The following SPATA22 variants were observed in gnomAD, a reference collection of about 807,000 sequenced individuals.
SPATA22 encodes the protein spermatogenesis associated 22.
A neutral mutation model predicts 47.8 loss-of-function variants in SPATA22; 29 were observed. That is an observed-to-expected ratio of 0.61 (90% CI 0.45 to 0.83). The LOEUF is 0.83. Ranked by LOEUF, SPATA22 falls within the 40% of genes least tolerant of loss-of-function variation. The pLI, the probability that SPATA22 is intolerant of heterozygous loss-of-function variation, is 0.00. For synonymous variants in SPATA22, 133 were observed against 140.9 expected (o/e 0.94, Z 0.40); for missense variants, 410 against 421.7 (o/e 0.97, Z 0.24).
rs777940521 is a variant in SPATA22, at chr17:3,440,137, T to C, written c.*10A>G. 3.3e-6 allele frequency: 5 copies of C among 1,497,468 alleles called. No individual in the cohort carries two copies. The highest frequency in any genetic ancestry group is 3.6e-6 in the Non-Finnish European group (4 of 1,117,584). 92.8% of individuals were successfully genotyped at this position (1,497,468 alleles called of 1,614,324 possible). A position where few individuals can be genotyped will look rare whatever the true frequency, so the allele number is the denominator to read the frequency against. ...GCTATAATTTATGCTAAACTTCCTT[T>C]TATCACTACTTAAGTTTCATTCATC... On this transcript the variant is annotated 3_prime_UTR_variant, in exon 9 of 9. Transcript: ENST00000572969.
At chr17:3,443,420 AG>A in intron 7 of SPATA22, 149 bp from the exon 8 acceptor site, 1 of 589,638 alleles carries the variant, frequency 1.7e-6, no homozygotes, top group Non-Finnish European at 2.9e-6. Flanking sequence ...TAAGAAGAGA[AG>A]ATATTTCTCA....
At chr17:3,464,571 T>C (rs1178835519) in intron 3 of SPATA22, among the ~76,000 whole-genome samples, 4 of 138,898 alleles carry the variant, frequency 2.9e-5, no homozygotes, top group African/African-American at 7.8e-5. Flanking sequence ...ATCTAGGAAG[T>C]GAGGAGCGTC....
chr17:3,486,710 T>C (rs2073728406), intron 1 of SPATA22, among the ~76,000 whole-genome samples: 1 of 152,194 alleles, frequency 6.6e-6, no homozygotes, highest in Admixed American at 6.5e-5. Context: ...TAGCCAGGAG[T>C]AATGTAATTT....
At chr17:3,476,131 C>T (rs1297840366), upstream of SPATA22, 1 of 1,585,164 alleles carries the variant, frequency 6.3e-7, no homozygotes, top group Non-Finnish European at 8.7e-7. Context: ...TTCTGAATTG[C>T]AGAAATCAGA....
At chr17:3,470,063 A>G (rs551973162) in intron 1 of SPATA22, among the ~76,000 whole-genome samples, 1 of 126,206 alleles carries the variant, frequency 7.9e-6, no homozygotes, top group Admixed American at 1.0e-4. Context: ...ACTGCACTCC[A>G]GCCTGGGCAA....
At chr17:3,446,326 G>C in intron 7 of SPATA22, 146 bp downstream of exon 7, 1 of 621,818 alleles carries the variant, frequency 1.6e-6, no homozygotes, top group Non-Finnish European at 2.5e-6. Context: ...CTACCACAGG[G>C]ACTATTATTA....
At chr17:3,489,311 T>A (rs769947909) in intron 1 of SPATA22, 2 of 1,613,078 alleles carry the variant, frequency 1.2e-6, no homozygotes, top group Admixed American at 1.7e-5. Context: ...TGATTAAACA[T>A]GCTCTTGATT....
intron 1 of SPATA22, among the ~76,000 whole-genome samples, chr17:3,479,041 C>T (rs573963947): frequency 2.0e-5 from 3 of 152,312 alleles, no homozygotes; most frequent in Admixed American, 2.0e-4. Flanking sequence ...TTCCTGTCAT[C>T]TATTTTCCAT....
At chr17:3,455,969 A>G (rs1023372393) in intron 5 of SPATA22, among the ~76,000 whole-genome samples, 2 of 152,010 alleles carry the variant, frequency 1.3e-5, no homozygotes, top group African/African-American at 2.4e-5. Flanking sequence ...CTTTTATTTC[A>G]TTGAGCAGTG....
intron 3 of SPATA22, among the ~76,000 whole-genome samples, chr17:3,463,909 TCCTCTCCCTCTCCCTCTC>T (rs372677703): frequency 2.2e-5 from 2 of 89,842 alleles, no homozygotes; most frequent in African/African-American, 4.4e-5. Flanking sequence ...AAAACACTGA[TCCTCTCCCTCTCCCTCTC>T]CCTCTCCCTC....
chr17:3,468,056 G>T (rs1239993213), intron 2 of SPATA22: 1 of 152,196 alleles, frequency 6.6e-6, no homozygotes. Flanking sequence ...CACTCTCATA[G>T]ATTTTATTTC....
chr17:3,467,970 T>C (rs916606557), intron 2 of SPATA22, among the ~76,000 whole-genome samples: 1 of 152,148 alleles, frequency 6.6e-6, no homozygotes, highest in African/African-American at 2.4e-5. Flanking sequence ...GGCACACCCT[T>C]TTGGGCCTTG....
chr17:3,448,906 T>C lies in SPATA22; in HGVS notation c.573A>G (p.Leu191=), dbSNP rs35562016. ...GTGTCTGTAGTGCACTGTTTTTGTC[T>C]AGCCCTCTCATTGTGCAGCCAGATA... ...SKISGCTMRG[L]DKNSALQTLK... is the part of the protein sequence containing the mutation. The change falls in exon 6 of 9, where the codon CTA becomes CTG. Residue 191 remains leucine (L), a synonymous_variant. Coordinates refer to ENST00000572969, the MANE Select transcript of SPATA22 (RefSeq NM_001170698.2). 4,177 of 1,614,108 alleles carry C rather than the reference T, an allele frequency of 2.6e-3. 97 individuals are homozygous for C. The African/African-American group carries it at 0.048, about 18-fold the overall frequency.
At chr17:3,481,723 C>A in intron 1 of SPATA22, 1 of 1,613,754 alleles carries the variant, frequency 6.2e-7, no homozygotes. Context: ...ACAACACCAC[C>A]TCTAACATGG....
intron 1 of SPATA22, chr17:3,494,282 G>T: frequency 8.1e-7 from 1 of 1,227,694 alleles, no homozygotes; most frequent in South Asian, 1.2e-5. Flanking sequence ...GGGATGACAG[G>T]CATGAGCCAC....
At chr17:3,467,623 C>G in intron 2 of SPATA22, 69 bp from the exon 3 acceptor site, 2 of 1,297,064 alleles carry the variant, frequency 1.5e-6, no homozygotes, top group Admixed American at 2.3e-5. Context: ...AAAATAATTA[C>G]TAGTATAATA....
chr17:3,448,406 AG>A (rs1372475689), intron 6 of SPATA22, among the ~76,000 whole-genome samples: 7 of 152,318 alleles, frequency 4.6e-5, no homozygotes, highest in African/African-American at 1.7e-4. Context: ...GCTGCAACAG[AG>A]ACAGTACGGC....
intron 1 of SPATA22, among the ~76,000 whole-genome samples, chr17:3,478,028 A>G (rs1161084289): frequency 6.6e-6 from 1 of 151,916 alleles, no homozygotes; most frequent in Non-Finnish European, 1.5e-5. Context: ...TAAAAAAAAT[A>G]CAAAAAATTA....
chr17:3,462,723 T>C lies in SPATA22; in HGVS notation c.217A>G (p.Lys73Glu). The change falls in exon 4 of 9, where the codon AAA becomes GAA. Residue 73 changes from lysine (K) to glutamate (E), a missense_variant. Physicochemically the swap from Lys to Glu is moderately conservative, Grantham distance 56. Coordinates refer to ENST00000572969, the MANE Select transcript of SPATA22 (RefSeq NM_001170698.2). Reference protein sequence around the residue: ...AVNPELAPVMKTVDTGQIPHS... With the variant: ...AVNPELAPVMETVDTGQIPHS... ...TCCACATACCCGGTGTCCACTGTTTTCATTACAGGAGCCAACTCTGGATTC... is the reference window on the plus strand; with the variant it reads ...TCCACATACCCGGTGTCCACTGTTTCCATTACAGGAGCCAACTCTGGATTC... 2 of 1,613,562 alleles carry C rather than the reference T, an allele frequency of 1.2e-6. No homozygotes were observed. Among genetic ancestry groups the C allele is most frequent in the Non-Finnish European group, 1.7e-6 (2 of 1,179,456 alleles).
Sources: gnomAD v4.1 joint callset for allele counts (sites outside exome capture counted in the v4.1 genomes callset) on GRCh38, gnomAD v4.1.1 for gene constraint, MANE v1.5 for transcripts, NCBI Gene and HGNC (gene_info 2026-07-23, HGNC 2026-07-21) for gene names.